PM20D2: variants seen among roughly 807,000 people sequenced by gnomAD.
PM20D2 encodes the protein xaa-Arg dipeptidase.
Under a neutral mutation model 42.9 loss-of-function variants are expected in PM20D2, and 33 were observed. The ratio of observed to expected loss-of-function variants is 0.77; its 90% CI spans 0.58 to 1.03. PM20D2 has a LOEUF of 1.03. Among genes scored for constraint, PM20D2 ranks in the 50% least tolerant of loss-of-function variants. PM20D2 has a pLI of 0.00. For synonymous variants in PM20D2, 250 were observed against 228.2 expected (o/e 1.10, Z -0.86); for missense variants, 548 against 557.0 (o/e 0.98, Z 0.16).
At chr6:89,161,758 T>C in intron 5 of PM20D2, 25 bp from the exon 6 acceptor site, 1 of 1,535,214 alleles carries the variant, frequency 6.5e-7, no homozygotes, top group Non-Finnish European at 9.0e-7. Flanking sequence ...TTAAATAGAC[T>C]TTTCTTAACT....
chr6:89,153,256 T>C, intron 3 of PM20D2, 71 bp downstream of exon 3: 23 of 1,213,074 alleles, frequency 1.9e-5, no homozygotes, highest in Non-Finnish European at 2.5e-5. Flanking sequence ...TTATTTAATA[T>C]TCAATTTTTA....
chr6:89,162,336 T>C lies in PM20D2; in HGVS notation c.*73T>C. The C allele has an allele frequency of 7.0e-7, 1 of 1,422,558 alleles. No homozygotes were observed. Among genetic ancestry groups the C allele is most frequent in the Non-Finnish European group, 9.5e-7 (1 of 1,048,148 alleles). The allele number at this position is 1,422,558 out of a possible 1,614,324, so 88.1% of individuals were successfully genotyped here. ...CTTTTAATCTCTTTTAATGAAGGCA[T>C]GCTTGTTTTTTAATCTTAAAGGAGT... On this transcript the variant is annotated 3_prime_UTR_variant, in exon 7 of 7. Coordinates refer to ENST00000275072, the MANE Select transcript of PM20D2 (RefSeq NM_001010853.3).
At chr6:89,146,746 C>A in intron 1 of PM20D2, 137 bp downstream of exon 1, 2 of 674,592 alleles carry the variant, frequency 3.0e-6, no homozygotes, top group Non-Finnish European at 4.5e-6. Flanking sequence ...CCGCGCTAAA[C>A]CTGCGGTCCT....
At chr6:89,116,376 T>C in the PM20D2 span, among the ~76,000 whole-genome samples, 1 of 152,196 alleles carries the variant, frequency 6.6e-6, no homozygotes, top group Non-Finnish European at 1.5e-5. Context: ...AATATATTGA[T>C]AAAAAGGCTG....
At chr6:89,145,663 C>T (rs563138901), upstream of PM20D2, among the ~76,000 whole-genome samples, 2 of 152,306 alleles carry the variant, frequency 1.3e-5, no homozygotes, top group African/African-American at 4.8e-5. Flanking sequence ...ACAGCATTGA[C>T]ACTGACGGCC....
the PM20D2 span, among the ~76,000 whole-genome samples, chr6:89,120,399 C>G: frequency 6.6e-6 from 1 of 152,110 alleles, no homozygotes. Flanking sequence ...AGGACTTGGA[C>G]ATGTATTTTT....
At chr6:89,126,159 C>T in the PM20D2 span, among the ~76,000 whole-genome samples, 1 of 151,850 alleles carries the variant, frequency 6.6e-6, no homozygotes, top group South Asian at 2.1e-4. Flanking sequence ...CTTTGGGAGG[C>T]CAAGGCAGGA....
chr6:89,129,232 G>A, the PM20D2 span, among the ~76,000 whole-genome samples: 7 of 152,150 alleles, frequency 4.6e-5, no homozygotes, highest in Admixed American at 3.9e-4. Flanking sequence ...AGAATGGGGA[G>A]TAAAGGGGAT....
Position 89,161,895 on chromosome 6 carries a change from GTGT to G in PM20D2, c.1156+11_1156+13del, listed in dbSNP as rs1562263489. ...AACAGTACACTGAAGCTGCTGGTAA[GTGT>G]TGTTGGATGTGACTGTTTTGGCACA... On this transcript the variant is annotated splice_donor_region_variant and intron_variant, in intron 6 of 6. Coordinates refer to ENST00000275072, the MANE Select transcript of PM20D2 (RefSeq NM_001010853.3). 1 of 1,600,680 alleles carries G rather than the reference GTGT, an allele frequency of 6.2e-7. No individual in the cohort carries two copies. The highest frequency in any genetic ancestry group is 2.2e-5 in the East Asian group (1 of 44,754).
chr6:89,099,445 T>TATATATATATATGTGTATATATATACAC, the PM20D2 span, among the ~76,000 whole-genome samples: 14 of 91,360 alleles, frequency 1.5e-4, no homozygotes, highest in East Asian at 4.3e-3. Context: ...TATATACACA[T>TATATATATATATGTGTATATATATACAC]ATATATGTGT....
chr6:89,153,642 G>A (rs1477490317), intron 3 of PM20D2, among the ~76,000 whole-genome samples: 1 of 152,092 alleles, frequency 6.6e-6, no homozygotes, highest in Non-Finnish European at 1.5e-5. Context: ...CTATTGCCCA[G>A]GCTGGAGTGC....
At chr6:89,098,288 A>G in the PM20D2 span, 3 of 262,804 alleles carry the variant, frequency 1.1e-5, no homozygotes, top group African/African-American at 6.8e-5. Flanking sequence ...AGAATTTTAA[A>G]AATTAGTTCC....
At chr6:89,105,026 C>A in the PM20D2 span, 6 of 1,329,410 alleles carry the variant, frequency 4.5e-6, no homozygotes, top group South Asian at 9.6e-5. Context: ...CTACTGCACT[C>A]CAGCCTGGGA....
the PM20D2 span, chr6:89,098,939 T>G: frequency 2.9e-4 from 460 of 1,611,668 alleles, no homozygotes; most frequent in Non-Finnish European, 3.7e-4. Flanking sequence ...AAATCGCCTG[T>G]GTCGAGACCT....
At chr6:89,158,582 C>T in intron 5 of PM20D2, 122 bp downstream of exon 5, 1 of 1,104,360 alleles carries the variant, frequency 9.1e-7, no homozygotes, top group Middle Eastern at 2.3e-4. Flanking sequence ...TTAATATTTT[C>T]ACAAACTTTA....
the PM20D2 span, among the ~76,000 whole-genome samples, chr6:89,120,399 C>T: frequency 6.6e-6 from 1 of 152,110 alleles, no homozygotes; most frequent in African/African-American, 2.4e-5. Context: ...AGGACTTGGA[C>T]ATGTATTTTT....
At chr6:89,162,018 T>G (rs1771259294) in intron 6 of PM20D2, 91 bp from the exon 7 acceptor site, 1 of 1,514,484 alleles carries the variant, frequency 6.6e-7, no homozygotes, top group Admixed American at 1.8e-5. Flanking sequence ...GGTGGGCAGT[T>G]GGAGAGCCAG....
chr6:89,098,619 G>C, the PM20D2 span: 1 of 1,613,720 alleles, frequency 6.2e-7, no homozygotes, highest in Non-Finnish European at 8.5e-7. Flanking sequence ...GATCTGGAAT[G>C]TGACCGAAAA....
At chr6:89,111,650 C>T in the PM20D2 span, among the ~76,000 whole-genome samples, 1 of 152,008 alleles carries the variant, frequency 6.6e-6, no homozygotes. Context: ...TGCCTTGTTG[C>T]ACTGGTTAGG....
Sources: allele counts gnomAD v4.1 joint callset (sites outside exome capture counted in the v4.1 genomes callset), GRCh38; gene constraint gnomAD v4.1.1; transcripts MANE v1.5; gene names NCBI Gene and HGNC (gene_info 2026-07-23, HGNC 2026-07-21).